MEGF11: variants seen among roughly 807,000 people sequenced by gnomAD.
MEGF11 encodes the protein multiple EGF like domains 11.
Under a neutral mutation model 146.6 loss-of-function variants are expected in MEGF11, and 126 were observed. That is an observed-to-expected ratio of 0.86 (90% confidence interval 0.74 to 1.00). The LOEUF (loss-of-function observed/expected upper bound fraction) is 1.00, where lower values mean the gene tolerates loss of function less well. MEGF11 is among the 50% of genes least tolerant of loss of function. The probability of loss-of-function intolerance (pLI) is 0.00; values close to 1 mark genes in which losing one functional copy is unlikely to be tolerated. For synonymous variants in MEGF11, 532 were observed against 583.4 expected, an observed-to-expected ratio of 0.91 and a Z score of 1.27; for missense variants, 1,509 against 1,521.2, an observed-to-expected ratio of 0.99 and a Z score of 0.13.
At chr15:66,094,229 T>C (rs570901719) in intron 5 of MEGF11, among the ~76,000 whole-genome samples, 173 bp downstream of exon 5, 2 of 152,248 alleles carry the variant, frequency 1.3e-5, no homozygotes, top group South Asian at 4.1e-4. Context: ...ATCCCTCAAG[T>C]GCCACCATGT....
At chr15:66,055,901 A>T (rs1476946993) in intron 5 of MEGF11, among the ~76,000 whole-genome samples, 2 of 152,190 alleles carry the variant, frequency 1.3e-5, no homozygotes, top group Non-Finnish European at 2.9e-5. Context: ...CGAATTCCAG[A>T]GTCAGGAGAA....
At chr15:66,225,986 T>C (rs555845784) in intron 1 of MEGF11, among the ~76,000 whole-genome samples, 1 of 152,332 alleles carries the variant, frequency 6.6e-6, no homozygotes, top group Non-Finnish European at 1.5e-5. Flanking sequence ...TTTCTGCAGT[T>C]TCAGTTACCA....
At chr15:66,251,058 C>G (rs564760329) in intron 1 of MEGF11, among the ~76,000 whole-genome samples, 1 of 152,202 alleles carries the variant, frequency 6.6e-6, no homozygotes, top group South Asian at 2.1e-4. Flanking sequence ...ACTTGCCGGC[C>G]GATTGCTCAC....
Position 65,964,963 on chromosome 15 carries a change from G to A in MEGF11, c.1057C>T (p.Leu353=), listed in dbSNP as rs986358386. ...GGCAGGGTGCAGCCTGGGCCATGCAGGCCCTCCGGGCACAGTCGCTCCTGG... is the reference window on the plus strand; with the variant it reads ...GGCAGGGTGCAGCCTGGGCCATGCAAGCCCTCCGGGCACAGTCGCTCCTGG... ...RCQERLCPEG[L]HGPGCTLPCP... The change falls in exon 9 of 26, where the codon CTG becomes TTG. Residue 353 remains leucine, a synonymous_variant. Coordinates refer to ENST00000395614, the MANE Select transcript of MEGF11 (RefSeq NM_001385028.1). 4 of 1,572,252 alleles carry A rather than the reference G, an allele frequency of 2.5e-6. No individual in the cohort carries two copies. Among genetic ancestry groups the A allele is most frequent in the Non-Finnish European group, 3.5e-6 (4 of 1,159,372 alleles).
chr15:66,015,882 C>T (rs1406814121), intron 5 of MEGF11, among the ~76,000 whole-genome samples: 1 of 148,468 alleles, frequency 6.7e-6, no homozygotes, highest in Non-Finnish European at 1.5e-5. Flanking sequence ...ATCTTCTTTT[C>T]CCTGTGCTAC....
chr15:66,213,081 T>G (rs1444784684), intron 1 of MEGF11, among the ~76,000 whole-genome samples: 1 of 152,114 alleles, frequency 6.6e-6, no homozygotes, highest in Admixed American at 6.5e-5. Flanking sequence ...AGATGAGGCC[T>G]GCAAATCCCT....
At chr15:66,083,020 C>T (rs1300173380) in intron 5 of MEGF11, among the ~76,000 whole-genome samples, 1 of 152,186 alleles carries the variant, frequency 6.6e-6, no homozygotes, top group Non-Finnish European at 1.5e-5. Context: ...ATGTCCTGGG[C>T]TACCAGGCTG....
At chr15:66,080,920 C>A (rs763454094) in intron 5 of MEGF11, among the ~76,000 whole-genome samples, 1 of 152,214 alleles carries the variant, frequency 6.6e-6, no homozygotes, top group Non-Finnish European at 1.5e-5. Flanking sequence ...CAGAGCTGCA[C>A]GCGAGGAACA....
intron 5 of MEGF11, among the ~76,000 whole-genome samples, chr15:65,993,932 C>CA (rs754857829): frequency 2.0e-5 from 3 of 152,066 alleles, no homozygotes; most frequent in Non-Finnish European, 4.4e-5. Context: ...TCCCCCTTGG[C>CA]AAAAAACAGG....
intron 10 of MEGF11, among the ~76,000 whole-genome samples, chr15:65,932,893 T>C (rs1450996476): frequency 1.3e-5 from 2 of 152,088 alleles, no homozygotes; most frequent in Non-Finnish European, 2.9e-5. Context: ...AGACCAGAGC[T>C]TGTCTGGGCC....
intron 5 of MEGF11, among the ~76,000 whole-genome samples, chr15:66,000,690 A>T (rs913566846): frequency 6.6e-6 from 1 of 152,240 alleles, no homozygotes; most frequent in Non-Finnish European, 1.5e-5. Flanking sequence ...AACTCCATAC[A>T]GGAAATGGTT....
In MEGF11 at chr15:66,123,941, C is replaced by T. The variant is rs778698597; in HGVS notation, c.158G>A (p.Arg53Gln). 7 of 1,613,900 alleles carry T rather than the reference C, an allele frequency of 4.3e-6. No homozygotes were observed. Among genetic ancestry groups the T allele is most frequent in the African/African-American group, 1.3e-5 (1 of 74,924 alleles). The change falls in exon 3 of 26, where the codon CGA (arginine) becomes CAA (glutamine). Residue 53 changes from arginine to glutamine, a missense_variant. By Grantham distance (43) the Arg-to-Gln change is conservative. Transcript: ENST00000395614. Reference protein sequence around the residue: ...AHPFDQIYYTRCTDILNWFKC... With the variant: ...AHPFDQIYYTQCTDILNWFKC... ...GAACCAGTTGAGGATGTCTGTGCAT[C>T]GTGTGTAATAGATCTGATCGAAGGG... is the stretch of plus-strand genomic sequence containing the variant.
chr15:65,918,240 A>G, intron 15 of MEGF11, 146 bp from the exon 16 acceptor site: 1 of 1,043,108 alleles, frequency 9.6e-7, no homozygotes, highest in South Asian at 1.6e-5. Flanking sequence ...CCGCCTTGGT[A>G]CCCTTGTCAC....
At chr15:65,969,686 C>T (rs753087347) in intron 8 of MEGF11, among the ~76,000 whole-genome samples, 41 of 152,180 alleles carry the variant, frequency 2.7e-4, no homozygotes, top group Non-Finnish European at 5.6e-4. Context: ...TTTCTGATGT[C>T]ACCCAGGCAT....
At position 66,238,447 on chromosome 15, in the gene MEGF11, T is replaced by A. The variant is rs151229432; in HGVS notation, c.-9+15158A>T. 7.9e-5 allele frequency among the ~76,000 whole-genome samples: 12 copies of A among 152,136 alleles called. No homozygotes were observed. In the East Asian group the frequency reaches 2.3e-3, roughly 29 times the overall value. Reference sequence around the variant, plus strand: ...AGGAGACAGGGAAGGTTGGAGGAGATCCCCACACGCACTCTTGGGGAGATG... The same window carrying A: ...AGGAGACAGGGAAGGTTGGAGGAGAACCCCACACGCACTCTTGGGGAGATG... On this transcript the variant is annotated intron_variant, in intron 1 of 25. Coordinates refer to ENST00000395614, the MANE Select transcript of MEGF11 (RefSeq NM_001385028.1).
intron 5 of MEGF11, among the ~76,000 whole-genome samples, chr15:66,002,716 A>C (rs1400619792): frequency 6.6e-6 from 1 of 152,242 alleles, no homozygotes; most frequent in East Asian, 1.9e-4. Context: ...AAATTGTAGC[A>C]ATTATGATTA....
At chr15:66,066,693 A>T (rs1372314356) in intron 5 of MEGF11, among the ~76,000 whole-genome samples, 1 of 152,202 alleles carries the variant, frequency 6.6e-6, no homozygotes, top group Non-Finnish European at 1.5e-5. Flanking sequence ...GGGGGCTGGG[A>T]GGTCTCTGGA....
At chr15:66,081,842 AT>A (rs1201273441) in intron 5 of MEGF11, among the ~76,000 whole-genome samples, 1 of 152,164 alleles carries the variant, frequency 6.6e-6, no homozygotes, top group East Asian at 1.9e-4. Context: ...TGAAACCCTA[AT>A]CCCCAATGTA....
intron 10 of MEGF11, among the ~76,000 whole-genome samples, chr15:65,942,914 C>T (rs975154568): frequency 6.9e-5 from 10 of 144,964 alleles, no homozygotes; most frequent in Non-Finnish European, 1.5e-4. Flanking sequence ...TGTTAGGTTT[C>T]ATGATATCCA....
Sources: allele counts gnomAD v4.1 joint callset (sites outside exome capture counted in the v4.1 genomes callset), GRCh38; gene constraint gnomAD v4.1.1; transcripts MANE v1.5; gene names NCBI Gene and HGNC (gene_info 2026-07-23, HGNC 2026-07-21).